LRP1B: variants seen among roughly 807,000 people sequenced by gnomAD.
The protein encoded by LRP1B is low-density lipoprotein receptor-related protein 1B.
Under a neutral mutation model 556.6 loss-of-function variants are expected in LRP1B, and 217 were observed. That is an observed-to-expected ratio of 0.39 (90% confidence interval 0.35 to 0.44). The LOEUF (loss-of-function observed/expected upper bound fraction) is 0.44, where lower values mean the gene tolerates loss of function less well. Among genes scored for constraint, LRP1B ranks in the 20% least tolerant of loss-of-function variants. The pLI is 1.00. For missense variants in LRP1B, 5,053 were observed against 5,620.8 expected (o/e 0.90, Z 3.23); for synonymous variants, 2,047 against 1,865.8 (o/e 1.10, Z -2.50).
chr2:141,098,583 T>A (rs1006758502), intron 7 of LRP1B, among the ~76,000 whole-genome samples: 4 of 152,224 alleles, frequency 2.6e-5, no homozygotes, highest in Admixed American at 1.3e-4. Context: ...CATGAGGACC[T>A]CAGAGTTCAG....
intron 41 of LRP1B, among the ~76,000 whole-genome samples, chr2:140,696,815 G>A (rs951190145): frequency 3.3e-5 from 5 of 152,038 alleles, no homozygotes; most frequent in Admixed American, 1.3e-4. Context: ...CCCTGCCTTC[G>A]TCCATGAAAA....
At chr2:142,075,573 T>C (rs1398629773) in intron 1 of LRP1B, among the ~76,000 whole-genome samples, 1 of 152,082 alleles carries the variant, frequency 6.6e-6, no homozygotes, top group East Asian at 1.9e-4. Flanking sequence ...GCCACAGCCA[T>C]AGTTCCATCA....
chr2:141,554,070 C>CTATATGAATAGACATATAGATTA (rs1410243680), intron 2 of LRP1B, among the ~76,000 whole-genome samples: 6 of 132,114 alleles, frequency 4.5e-5, no homozygotes, highest in African/African-American at 8.6e-5. Flanking sequence ...GATTATATAT[C>CTATATGAATAGACATATAGATTA]TATATGAATA....
At chr2:141,350,862 T>C (rs963760863) in intron 3 of LRP1B, among the ~76,000 whole-genome samples, 1 of 152,046 alleles carries the variant, frequency 6.6e-6, no homozygotes, top group African/African-American at 2.4e-5. Flanking sequence ...GAATAAGTTA[T>C]AGATGAGCAA....
At chr2:142,081,741 G>A (rs1705726385) in intron 1 of LRP1B, among the ~76,000 whole-genome samples, 1 of 152,170 alleles carries the variant, frequency 6.6e-6, no homozygotes, top group Non-Finnish European at 1.5e-5. Context: ...AGCATCCTGA[G>A]TAGGTAGGAC....
chr2:141,901,197 A>C (rs6429929), intron 1 of LRP1B, among the ~76,000 whole-genome samples: 129,655 of 151,926 alleles, frequency 0.85, 55,605 homozygotes, highest in East Asian at 1. Context: ...ATGCAACAGA[A>C]ACATGTATAA....
chr2:141,104,022 TATA>T (rs747395558), intron 7 of LRP1B, among the ~76,000 whole-genome samples: 28 of 152,142 alleles, frequency 1.8e-4, no homozygotes, highest in Admixed American at 1.4e-3. Flanking sequence ...GTTTAAGGAT[TATA>T]ATGTTTTAAT....
Position 140,840,969 on chromosome 2 carries a change from A to G in LRP1B, c.5063T>C (p.Ile1688Thr), listed in dbSNP as rs748782420. 1.9e-6 allele frequency: 3 copies of G among 1,613,492 alleles called. No homozygotes were observed. The highest frequency in any genetic ancestry group is 2.7e-5 in the African/African-American group (2 of 74,996). The change falls in exon 30 of 91, where the codon ATT becomes ACT. Residue 1688 changes from isoleucine (I) to threonine (T), a missense_variant. By Grantham distance (89) the Ile-to-Thr change is moderately conservative. Transcript: ENST00000389484. ...CTGTGGCTTATCGATTCCATGGATA[A>G]TTGAGGTTTTCAAAGAGCCATCTAG... Reference protein sequence around the residue: ...ARLDGSLKTSIIHGIDKPQCL... With the variant: ...ARLDGSLKTSTIHGIDKPQCL...
At chr2:140,775,751 T>C (rs1322815918) in intron 33 of LRP1B, among the ~76,000 whole-genome samples, 1 of 152,174 alleles carries the variant, frequency 6.6e-6, no homozygotes, top group Non-Finnish European at 1.5e-5. Context: ...ATGTAGTCCA[T>C]TTGAAGTCCC....
intron 1 of LRP1B, among the ~76,000 whole-genome samples, chr2:142,092,191 A>T (rs557204710): frequency 7.9e-5 from 12 of 152,188 alleles, no homozygotes; most frequent in African/African-American, 2.9e-4. Flanking sequence ...TTTCTGTTAC[A>T]TGTATCTAAT....
intron 2 of LRP1B, among the ~76,000 whole-genome samples, chr2:141,647,721 A>G (rs1198063282): frequency 1.4e-5 from 2 of 147,364 alleles, no homozygotes; most frequent in Non-Finnish European, 3.0e-5. Context: ...TTTTTTAAAT[A>G]AGAGAGACAA....
intron 7 of LRP1B, among the ~76,000 whole-genome samples, chr2:141,160,672 TA>T (rs1377721432): frequency 1.3e-5 from 2 of 152,022 alleles, no homozygotes; most frequent in East Asian, 3.9e-4. Context: ...TTTTTAACCA[TA>T]AAACTATACT....
chr2:141,518,077 T>C (rs981201863), intron 2 of LRP1B, among the ~76,000 whole-genome samples: 1 of 151,476 alleles, frequency 6.6e-6, no homozygotes, highest in East Asian at 1.9e-4. Flanking sequence ...ATTAATCAAA[T>C]AATCTGGTAG....
In LRP1B at chr2:141,085,516, C is replaced by T. The variant is rs906824389; in HGVS notation, c.1014-23243G>A. On this transcript the variant is annotated intron_variant, in intron 7 of 90. Transcript: ENST00000389484. ...GAATGCACACACCGAGGAAAGACCACGTGAGGACATGGCGAGAAGGTGATC... is the reference window on the plus strand; with the variant it reads ...GAATGCACACACCGAGGAAAGACCATGTGAGGACATGGCGAGAAGGTGATC... Among the ~76,000 whole-genome samples the T allele has an allele frequency of 3.3e-5, 5 of 152,232 alleles. No homozygotes were observed. In the East Asian group the frequency reaches 5.8e-4, roughly 18 times the overall value.
intron 1 of LRP1B, among the ~76,000 whole-genome samples, chr2:142,026,719 T>A: frequency 6.6e-6 from 1 of 152,052 alleles, no homozygotes; most frequent in East Asian, 1.9e-4. Context: ...TATCTATGAA[T>A]GTGTATTGCC....
intron 29 of LRP1B, among the ~76,000 whole-genome samples, chr2:140,844,587 T>C (rs1224067465): frequency 6.6e-6 from 1 of 152,124 alleles, no homozygotes; most frequent in Non-Finnish European, 1.5e-5. Context: ...TTTGATAAAA[T>C]ATTGAAATAA....
chr2:140,952,038 T>C (rs2105303311), intron 18 of LRP1B, 98 bp from the exon 19 acceptor site: 1 of 848,872 alleles, frequency 1.2e-6, no homozygotes, highest in East Asian at 2.5e-5. Context: ...TCCTTCCCTG[T>C]TCTCTACAAA....
At chr2:141,150,000 C>A (rs1409457829) in intron 7 of LRP1B, among the ~76,000 whole-genome samples, 1 of 152,038 alleles carries the variant, frequency 6.6e-6, no homozygotes, top group Admixed American at 6.6e-5. Flanking sequence ...TTGGAAGATG[C>A]TTGCAAAGAA....
Position 140,770,802 on chromosome 2 carries a change from T to C in LRP1B, c.5626+79A>G. ...TTTTTTTCTAATGTTTAACTGACTT[T>C]GGTTGCCTAACATCTGCATGGTATG... is the stretch of plus-strand genomic sequence containing the variant. On this transcript the variant is annotated intron_variant, in intron 34 of 90. Coordinates refer to ENST00000389484, the MANE Select transcript of LRP1B (RefSeq NM_018557.3). 3 of 1,222,300 alleles carry C rather than the reference T, an allele frequency of 2.5e-6. No individual in the cohort carries two copies. The South Asian group carries it at 6.0e-5, about 25-fold the overall frequency. The allele number at this position is 1,222,300 out of a possible 1,614,324, so 75.7% of individuals were successfully genotyped here. A position where few individuals can be genotyped will look rare whatever the true frequency, so the allele number is the denominator to read the frequency against.
Sources: allele counts gnomAD v4.1 joint callset (sites outside exome capture counted in the v4.1 genomes callset), GRCh38; gene constraint gnomAD v4.1.1; transcripts MANE v1.5; gene names NCBI Gene and HGNC (gene_info 2026-07-23, HGNC 2026-07-21).